The following ZMYM5 variants were observed in gnomAD, a reference collection of about 807,000 sequenced individuals.
ZMYM5 encodes zinc finger MYM-type containing 5, also known as zinc finger MYM-type protein 5.
Under a neutral mutation model 61.8 loss-of-function variants are expected in ZMYM5, and 41 were observed. That is an observed-to-expected ratio of 0.66 (90% CI 0.52 to 0.86). The LOEUF (loss-of-function observed/expected upper bound fraction) is 0.86. Among genes scored for constraint, ZMYM5 ranks in the 40% least tolerant of loss-of-function variants. The pLI is 0.00. For synonymous variants in ZMYM5, 257 were observed against 276.4 expected (o/e 0.93, Z 0.70); for missense variants, 706 against 786.7 (o/e 0.90, Z 1.23).
intron 6 of ZMYM5, among the ~76,000 whole-genome samples, chr13:19,836,115 T>C (rs911239373): frequency 1.3e-5 from 2 of 152,194 alleles, no homozygotes; most frequent in South Asian, 4.1e-4. Flanking sequence ...TGAGCCACCA[T>C]GCCTAGCTGG....
chr13:19,838,831 G>A lies in ZMYM5; in HGVS notation c.741C>T (p.Cys247=). The A allele has an allele frequency of 6.2e-7, 1 of 1,614,074 alleles. No homozygotes were observed. The highest frequency in any genetic ancestry group is 8.5e-7 in the Non-Finnish European group (1 of 1,180,026). ...TKPAKITCAN[C]KKPLQKGQTA... is the part of the protein sequence containing the mutation. ...TCTGTCCCTTCTGTAAAGGCTTTTT[G>A]CAATTTGCACAAGTGATTTTAGCTG... Residue 247 remains cysteine, a synonymous_variant, in exon 5 of 8, where the codon TGC becomes TGT. Transcript: ENST00000337963.
chr13:19,846,002 G>A (rs1435160215), intron 4 of ZMYM5, among the ~76,000 whole-genome samples: 1 of 152,170 alleles, frequency 6.6e-6, no homozygotes, highest in African/African-American at 2.4e-5. Context: ...TCTTTCTGGT[G>A]TTTAGACTCC....
At chr13:19,832,865 G>GA (rs1180225525) in intron 7 of ZMYM5, among the ~76,000 whole-genome samples, 3 of 148,770 alleles carry the variant, frequency 2.0e-5, no homozygotes, top group Non-Finnish European at 4.5e-5. Flanking sequence ...TGAGGAGCTA[G>GA]AACTACGAGT....
At position 19,863,071 on chromosome 13, in the gene ZMYM5, G is replaced by C. The variant is rs1022709872; in HGVS notation, c.-79+379C>G. On this transcript the variant is annotated intron_variant, in intron 1 of 7. Coordinates refer to ENST00000337963, the MANE Select transcript of ZMYM5 (RefSeq NM_001142684.2). The stretch of plus-strand genomic sequence containing the variant: ...CCTCGGCTCCGGCGGCAGGGTGGCA[G>C]CGCGGTCCTGACAGCGAAGACCCGG... 1.9e-3 allele frequency among the ~76,000 whole-genome samples: 286 copies of C among 152,310 alleles called. 4 individuals carry two copies. The highest frequency in any genetic ancestry group is 9.7e-4 in the Non-Finnish European group (66 of 68,016).
intron 2 of ZMYM5, among the ~76,000 whole-genome samples, chr13:19,857,106 A>C (rs1468219169): frequency 1.3e-5 from 2 of 152,250 alleles, no homozygotes; most frequent in African/African-American, 2.4e-5. Context: ...ACTCCGTCTC[A>C]AAACGAAAAC....
Position 19,838,902 on chromosome 13 carries a change from G to T in ZMYM5, c.670C>A (p.Arg224Ser). Residue 224 changes from arginine to serine, a missense_variant, in exon 5 of 8, where the codon CGT (arginine) becomes AGT (serine). Arg to Ser is a moderately radical substitution (Grantham distance 110). Coordinates refer to ENST00000337963, the MANE Select transcript of ZMYM5 (RefSeq NM_001142684.2). The part of the protein sequence containing the change: ...VDSLSPVALL[R>S]KQNFQPTAQQ... ...GCTGTAGGCTGGAAATTCTGCTTAC[G>T]AAGTAAGGCCACTGGTGATAAAGAA... The T allele has an allele frequency of 1.9e-6, 3 of 1,614,102 alleles. No individual in the cohort carries two copies. The highest frequency in any genetic ancestry group is 2.5e-6 in the Non-Finnish European group (3 of 1,180,028).
intron 4 of ZMYM5, among the ~76,000 whole-genome samples, chr13:19,841,628 T>A (rs1952881316): frequency 6.6e-6 from 1 of 152,120 alleles, no homozygotes; most frequent in Non-Finnish European, 1.5e-5. Flanking sequence ...TCAGAAATGT[T>A]TATAATGCAA....
intron 2 of ZMYM5, among the ~76,000 whole-genome samples, chr13:19,861,158 AT>A (rs200926139): frequency 1.3e-5 from 2 of 151,440 alleles, no homozygotes; most frequent in Non-Finnish European, 2.9e-5. Flanking sequence ...CACTTTACCC[AT>A]TTTTTTTGAG....
At chr13:19,836,522 C>G (rs1193036359) in intron 6 of ZMYM5, among the ~76,000 whole-genome samples, 1 of 152,066 alleles carries the variant, frequency 6.6e-6, no homozygotes, top group Non-Finnish European at 1.5e-5. Flanking sequence ...ATAGCTCACT[C>G]CACCTCAAAC....
intron 7 of ZMYM5, among the ~76,000 whole-genome samples, chr13:19,835,133 G>C (rs1211841767): frequency 6.6e-6 from 1 of 151,932 alleles, no homozygotes; most frequent in Non-Finnish European, 1.5e-5. Context: ...TGAGACTACA[G>C]GCACATGCCA....
rs747313731 is a variant in ZMYM5, at chr13:19,835,658, G to A, written c.1070C>T (p.Thr357Ile). The A allele has an allele frequency of 7.3e-7, 1 of 1,367,516 alleles. No individual in the cohort carries two copies. Among genetic ancestry groups the A allele is most frequent in the Non-Finnish European group, 9.8e-7 (1 of 1,021,818 alleles). 84.7% of individuals were successfully genotyped at this position (1,367,516 alleles called of 1,614,324 possible). A position where few individuals can be genotyped will look rare whatever the true frequency, so the allele number is the denominator to read the frequency against. The change falls in exon 7 of 8, where the codon ACA becomes ATA. Residue 357 changes from threonine (T) to isoleucine (I), a missense_variant. By Grantham distance (89) the Thr-to-Ile change is moderately conservative. Coordinates refer to ENST00000337963, the MANE Select transcript of ZMYM5 (RefSeq NM_001142684.2). ...IRHEVSVNNV[T>I]HKLCSNHCFN... Reference sequence around the variant, plus strand: ...GCAATGGTTACTGCACAGTTTATGTGTTACATTATTTACGCTGACTTCATG... The same window carrying A: ...GCAATGGTTACTGCACAGTTTATGTATTACATTATTTACGCTGACTTCATG...
chr13:19,861,724 T>A (rs1317182600), intron 2 of ZMYM5, among the ~76,000 whole-genome samples: 4 of 151,800 alleles, frequency 2.6e-5, no homozygotes, highest in Non-Finnish European at 4.4e-5. Context: ...GAAAAAAAAA[T>A]CATTTTGTCA....
chr13:19,834,079 C>T (rs1386541298), intron 7 of ZMYM5, among the ~76,000 whole-genome samples: 5 of 152,194 alleles, frequency 3.3e-5, no homozygotes, highest in African/African-American at 7.2e-5. Flanking sequence ...CAGGTTCAAG[C>T]GATTCTCCTG....
Position 19,837,641 on chromosome 13 carries a change from T to C in ZMYM5, c.1038+15A>G. 1 of 1,596,578 alleles carries C rather than the reference T, an allele frequency of 6.3e-7. No homozygotes were observed. The highest frequency in any genetic ancestry group is 8.5e-7 in the Non-Finnish European group (1 of 1,176,182). ...CTGTTAGCCTAAACAACAACTTAGG[T>C]ATAAAAATCCAGACCTCTGCTAATT... On this transcript the variant is annotated intron_variant, in intron 6 of 7. Transcript: ENST00000337963.
At position 19,862,854 on chromosome 13, in the gene ZMYM5, C is replaced by T. The variant is rs945411011; in HGVS notation, c.-78-388G>A. 6.6e-5 allele frequency among the ~76,000 whole-genome samples: 10 copies of T among 152,360 alleles called. No individual in the cohort carries two copies. The East Asian group carries it at 1.7e-3, about 26-fold the overall frequency. The stretch of plus-strand genomic sequence containing the variant: ...CAGAGGTAACGGGCGGCGCGCATCA[C>T]CTCTGGGCCCACAGTTGCCTCAAGA... On this transcript the variant is annotated intron_variant, in intron 1 of 7. Coordinates refer to ENST00000337963, the MANE Select transcript of ZMYM5 (RefSeq NM_001142684.2).
chr13:19,853,661 G>A (rs1484047106), intron 2 of ZMYM5, among the ~76,000 whole-genome samples: 1 of 150,994 alleles, frequency 6.6e-6, no homozygotes, highest in Non-Finnish European at 1.5e-5. Flanking sequence ...AGGTACAGTG[G>A]CGCCATTTCA....
chr13:19,826,501 A>C (rs2138475055), intron 7 of ZMYM5, among the ~76,000 whole-genome samples: 1 of 152,322 alleles, frequency 6.6e-6, no homozygotes, highest in African/African-American at 2.4e-5. Flanking sequence ...GCACGCCTGT[A>C]ATCTCAGCAC....
At chr13:19,840,147 A>C (rs991851787) in intron 4 of ZMYM5, among the ~76,000 whole-genome samples, 1 of 152,212 alleles carries the variant, frequency 6.6e-6, no homozygotes. Flanking sequence ...ATCTTCAAAA[A>C]CAGCTTTTGG....
chr13:19,857,874 A>G (rs1342915732), intron 2 of ZMYM5, among the ~76,000 whole-genome samples: 3 of 151,770 alleles, frequency 2.0e-5, no homozygotes. Flanking sequence ...AAAGTCCAAC[A>G]TGGTGGCATA....
Sources: gnomAD v4.1 joint callset for allele counts (sites outside exome capture counted in the v4.1 genomes callset) on GRCh38, gnomAD v4.1.1 for gene constraint, MANE v1.5 for transcripts, NCBI Gene and HGNC (gene_info 2026-07-23, HGNC 2026-07-21) for gene names.